FOXP2: variants seen among roughly 807,000 people sequenced by gnomAD.
The protein encoded by FOXP2 is forkhead box P2.
Under a neutral mutation model 115.8 loss-of-function variants are expected in FOXP2, and 12 were observed. That is an observed-to-expected ratio of 0.10 (90% confidence interval 0.07 to 0.17). The LOEUF is 0.17. Among genes scored for constraint, FOXP2 ranks in the 10% least tolerant of loss-of-function variants. The pLI is 1.00. For synonymous variants in FOXP2, 328 were observed against 297.7 expected, an observed-to-expected ratio of 1.10 and a Z score of -1.05; for missense variants, 629 against 843.5, an observed-to-expected ratio of 0.75 and a Z score of 3.15.
intron 1 of FOXP2, among the ~76,000 whole-genome samples, chr7:114,218,686 C>G (rs2129163245): frequency 6.6e-6 from 1 of 152,258 alleles, no homozygotes. Flanking sequence ...CAATGAGTGT[C>G]AAGCACTGAA....
chr7:114,093,354 C>T (rs1799579812), intron 1 of FOXP2, among the ~76,000 whole-genome samples: 1 of 152,144 alleles, frequency 6.6e-6, no homozygotes, highest in African/African-American at 2.4e-5. Flanking sequence ...ATGGATCACT[C>T]TACCTTTACC....
chr7:114,454,230 A>G (rs1196411028), intron 2 of FOXP2, among the ~76,000 whole-genome samples: 1 of 152,136 alleles, frequency 6.6e-6, no homozygotes, highest in African/African-American at 2.4e-5. Flanking sequence ...ACACTTCTCA[A>G]AAGAAGACAT....
At chr7:114,135,890 T>C (rs1050498944) in intron 1 of FOXP2, among the ~76,000 whole-genome samples, 2 of 152,134 alleles carry the variant, frequency 1.3e-5, no homozygotes, top group Admixed American at 6.5e-5. Context: ...ATTCTGATAA[T>C]TAGAGAAGAG....
chr7:114,332,081 G>T (rs1043180047), intron 2 of FOXP2, among the ~76,000 whole-genome samples: 1 of 151,892 alleles, frequency 6.6e-6, no homozygotes, highest in Non-Finnish European at 1.5e-5. Context: ...CAATTTGTTT[G>T]CTGTCTGTAC....
rs1455046265 is a variant in FOXP2, at chr7:114,212,109, TAAAATAAAATAAA to T, written c.-102+49023_-102+49035del. ...TAAAATAAAATAAAATAAAATAAAA[TAAAATAAAATAAA>T]ATATATATATATATTCTTTGTTTCC... is the stretch of plus-strand genomic sequence containing the variant. On this transcript the variant is annotated intron_variant, in intron 1 of 17. Transcript: ENST00000634411. 8.3e-3 allele frequency among the ~76,000 whole-genome samples: 795 copies of T among 95,740 alleles called. 9 individuals carry two copies. Among genetic ancestry groups the T allele is most frequent in the African/African-American group, 0.019 (700 of 37,760 alleles). 62.8% of individuals were successfully genotyped at this position (95,740 alleles called of 152,430 possible).
At chr7:114,250,136 T>C (rs1451625915) in intron 1 of FOXP2, among the ~76,000 whole-genome samples, 1 of 152,130 alleles carries the variant, frequency 6.6e-6, no homozygotes, top group Non-Finnish European at 1.5e-5. Flanking sequence ...ACTCATTTTT[T>C]ATGGCTGCAT....
chr7:114,554,786 C>T (rs998634528), intron 3 of FOXP2, among the ~76,000 whole-genome samples: 2 of 151,866 alleles, frequency 1.3e-5, no homozygotes, highest in African/African-American at 2.4e-5. Flanking sequence ...TTCATAGCAT[C>T]TAGTTACTTT....
intron 1 of FOXP2, among the ~76,000 whole-genome samples, chr7:114,280,972 A>C (rs1186827075): frequency 6.6e-6 from 1 of 152,116 alleles, no homozygotes; most frequent in Non-Finnish European, 1.5e-5. Flanking sequence ...CCTGTCCTTA[A>C]GCATAGTCAA....
intron 3 of FOXP2, among the ~76,000 whole-genome samples, chr7:114,570,637 T>G (rs375227831): frequency 1.4e-4 from 22 of 151,928 alleles, no homozygotes; most frequent in African/African-American, 5.3e-4. Context: ...TTTCTATTTT[T>G]AAAATCTATA....
At chr7:114,647,853 G>T (rs563950094) in intron 8 of FOXP2, among the ~76,000 whole-genome samples, 1 of 152,060 alleles carries the variant, frequency 6.6e-6, no homozygotes, top group East Asian at 1.9e-4. Flanking sequence ...ATTCCATTTA[G>T]CAGACAAGTG....
At chr7:114,215,165 T>C (rs936412421) in intron 1 of FOXP2, among the ~76,000 whole-genome samples, 3 of 152,170 alleles carry the variant, frequency 2.0e-5, no homozygotes, top group Non-Finnish European at 1.5e-5. Context: ...AGTGATACTT[T>C]TGATATTTAA....
intron 2 of FOXP2, among the ~76,000 whole-genome samples, chr7:114,526,133 T>A (rs950249967): frequency 1.8e-5 from 2 of 113,826 alleles, no homozygotes; most frequent in African/African-American, 3.5e-5. Context: ...AAAAAGTTTT[T>A]AAAAAATATT....
intron 1 of FOXP2, among the ~76,000 whole-genome samples, chr7:114,248,388 G>A (rs985761095): frequency 9.2e-5 from 14 of 152,068 alleles, no homozygotes; most frequent in African/African-American, 3.4e-4. Context: ...GTTTAACCAA[G>A]TATCTGGGCA....
At chr7:114,584,140 C>G (rs1463790422) in intron 3 of FOXP2, among the ~76,000 whole-genome samples, 1 of 152,146 alleles carries the variant, frequency 6.6e-6, no homozygotes, top group Non-Finnish European at 1.5e-5. Flanking sequence ...ATGATTGAGT[C>G]AAGATCCAAA....
At chr7:114,283,375 A>G (rs1193879730) in intron 1 of FOXP2, among the ~76,000 whole-genome samples, 1 of 152,144 alleles carries the variant, frequency 6.6e-6, no homozygotes, top group Non-Finnish European at 1.5e-5. Flanking sequence ...CTAATTTATA[A>G]TATATTCTTC....
At chr7:114,498,902 C>T (rs1003299380) in intron 2 of FOXP2, 2 of 717,870 alleles carry the variant, frequency 2.8e-6, no homozygotes, top group African/African-American at 3.5e-5. Context: ...GTCTCTTACA[C>T]CCAGGTTATT....
At chr7:114,665,284 G>A (rs1209835750) in intron 16 of FOXP2, 2 of 152,108 alleles carry the variant, frequency 1.3e-5, no homozygotes, top group Non-Finnish European at 2.9e-5. Context: ...GAATAATGAA[G>A]TGTGTACACC....
chr7:114,436,217 T>C (rs1449489514), intron 2 of FOXP2, among the ~76,000 whole-genome samples: 5 of 151,932 alleles, frequency 3.3e-5, no homozygotes, highest in Non-Finnish European at 7.4e-5. Flanking sequence ...ATTTATTTTC[T>C]TTCTTGACCA....
chr7:114,592,672 G>T (rs1157113546), intron 3 of FOXP2, among the ~76,000 whole-genome samples: 1 of 151,806 alleles, frequency 6.6e-6, no homozygotes, highest in African/African-American at 2.4e-5. Flanking sequence ...GACTAATAAG[G>T]ATTCTACATT....
Sources: gnomAD v4.1 joint callset for allele counts (sites outside exome capture counted in the v4.1 genomes callset) on GRCh38, gnomAD v4.1.1 for gene constraint, MANE v1.5 for transcripts, NCBI Gene and HGNC (gene_info 2026-07-23, HGNC 2026-07-21) for gene names.